FRMPD4: variants seen among roughly 807,000 people sequenced by gnomAD.
The protein encoded by FRMPD4 is FERM and PDZ domain-containing protein 4.
Under a neutral mutation model 94.1 loss-of-function variants are expected in FRMPD4, and 22 were observed. The observed-to-expected ratio is 0.23, with a 90% CI of 0.17 to 0.33. The LOEUF is 0.33. FRMPD4 is among the 10% of genes least tolerant of loss of function. The probability of loss-of-function intolerance (pLI) is 1.00; values close to 1 mark genes in which losing one functional copy is unlikely to be tolerated. For missense variants in FRMPD4, 1,111 were observed against 1,339.9 expected (o/e 0.83, Z 2.67); for synonymous variants, 631 against 548.6 (o/e 1.15, Z -2.10).
chrX:12,607,165 T>C (rs1319585381), intron 2 of FRMPD4, among the ~76,000 whole-genome samples: 1 of 111,336 alleles, frequency 9.0e-6, no homozygotes, highest in African/African-American at 3.3e-5. Flanking sequence ...CTGCATTGGT[T>C]TTGCTGGCTC....
rs1307077030 is a variant in FRMPD4 at position 12,388,506 on chromosome X, G to A, written c.42-110174G>A. ...TGTAGTCCCAGCTACTCGGGGAGCT[G>A]AGGCAGGAAAATTGCTTGAACCCAG... On this transcript the variant is annotated intron_variant, in intron 1 of 16. Transcript: ENST00000675598. Among the ~76,000 whole-genome samples the A allele has an allele frequency of 2.8e-5, 3 of 108,527 alleles. No individual in the cohort carries two copies. The East Asian group carries it at 8.7e-4, about 31-fold the overall frequency. The allele number at this position is 108,527 out of a possible 115,157, so 94.2% of individuals were successfully genotyped here.
At chrX:12,175,123 G>T (rs1216098614) in intron 1 of FRMPD4, among the ~76,000 whole-genome samples, 1 of 112,169 alleles carries the variant, frequency 8.9e-6, no homozygotes, top group African/African-American at 3.2e-5. Flanking sequence ...ATAAAAGATG[G>T]TGGTATGTGT....
At chrX:12,085,548 T>C (rs1164928524) in intron 3 of FRMPD4, among the ~76,000 whole-genome samples, 1 of 110,667 alleles carries the variant, frequency 9.0e-6, no homozygotes, top group African/African-American at 3.3e-5. Flanking sequence ...TTAAAGAAAT[T>C]AGTGAATTAA....
At chrX:12,705,089 G>A (rs2041852758) in intron 11 of FRMPD4, among the ~76,000 whole-genome samples, 1 of 111,785 alleles carries the variant, frequency 8.9e-6, no homozygotes, top group Admixed American at 9.5e-5. Context: ...TGTGCTCCCG[G>A]GAACAAAATC....
chrX:11,924,210 AAGAC>A (rs1376771083), intron 3 of FRMPD4, among the ~76,000 whole-genome samples: 1 of 112,247 alleles, frequency 8.9e-6, no homozygotes, highest in Non-Finnish European at 1.9e-5. Flanking sequence ...TTTATAAAAT[AAGAC>A]AGGCAGACAA....
chrX:12,010,013 G>A (rs2054573394), intron 3 of FRMPD4, among the ~76,000 whole-genome samples: 1 of 111,837 alleles, frequency 8.9e-6, no homozygotes, highest in South Asian at 3.8e-4. Flanking sequence ...CTAACTAGAT[G>A]TATATACATG....
intron 1 of FRMPD4, among the ~76,000 whole-genome samples, chrX:12,488,394 G>A (rs931162508): frequency 8.9e-6 from 1 of 111,801 alleles, no homozygotes; most frequent in African/African-American, 3.2e-5. Flanking sequence ...GTTTCCACAA[G>A]CCCCAAAGAA....
chrX:12,112,094 A>G (rs1025766260), intron 3 of FRMPD4, among the ~76,000 whole-genome samples: 12 of 111,684 alleles, frequency 1.1e-4, no homozygotes, highest in Non-Finnish European at 1.9e-4. Context: ...TATAAATCAT[A>G]CCGCTATAAA....
At chrX:12,477,301 G>A (rs2057614629) in intron 1 of FRMPD4, among the ~76,000 whole-genome samples, 1 of 111,005 alleles carries the variant, frequency 9.0e-6, no homozygotes, top group Admixed American at 9.6e-5. Context: ...ACCGGGGCCT[G>A]TTGTGGGGTG....
At chrX:12,107,198 A>C (rs756694159) in intron 3 of FRMPD4, among the ~76,000 whole-genome samples, 1 of 111,803 alleles carries the variant, frequency 8.9e-6, no homozygotes, top group African/African-American at 3.2e-5. Context: ...CTCTAAGTTG[A>C]AGCTTCCAGA....
rs745511197 is a variant in FRMPD4, at chrX:12,258,595, G to C, written c.41+119583G>C. On this transcript the variant is annotated intron_variant, in intron 1 of 16. Transcript: ENST00000675598. ...GTGAACTAAGACAACGCCACTATTT[G>C]GACTTTACTCAAATGAGAAATTCTA... 2.7e-5 allele frequency among the ~76,000 whole-genome samples: 3 copies of C among 111,177 alleles called. No individual in the cohort carries two copies. The South Asian group carries it at 1.2e-3, about 43-fold the overall frequency.
chrX:12,305,478 T>G (rs1035916940), intron 1 of FRMPD4, among the ~76,000 whole-genome samples: 2 of 111,265 alleles, frequency 1.8e-5, no homozygotes, highest in Non-Finnish European at 3.8e-5. Context: ...AAAAGTCAGA[T>G]GTGGAAATCT....
At chrX:12,106,480 G>A (rs753821028) in intron 3 of FRMPD4, among the ~76,000 whole-genome samples, 14 of 110,940 alleles carry the variant, frequency 1.3e-4, no homozygotes, top group Non-Finnish European at 2.1e-4. Context: ...CATGAGCAAC[G>A]CAGAAGACAG....
intron 4 of FRMPD4, among the ~76,000 whole-genome samples, chrX:12,615,275 C>A (rs1053495865): frequency 8.9e-6 from 1 of 112,249 alleles, no homozygotes; most frequent in Non-Finnish European, 1.9e-5. Context: ...CATGGATATA[C>A]AAACATACAG....
At chrX:12,680,856 C>T (rs1252431996) in intron 5 of FRMPD4, among the ~76,000 whole-genome samples, 3 of 110,237 alleles carry the variant, frequency 2.7e-5, no homozygotes, top group South Asian at 4.1e-4. Context: ...AATAGCCCCA[C>T]GTTTACTGGC....
chrX:12,592,537 C>G (rs1233208346), intron 2 of FRMPD4, among the ~76,000 whole-genome samples: 6 of 111,777 alleles, frequency 5.4e-5, no homozygotes, highest in Non-Finnish European at 9.4e-5. Context: ...CTTTTTCTTT[C>G]TACTATAAAT....
At chrX:12,243,115 C>G (rs1435052865) in intron 1 of FRMPD4, among the ~76,000 whole-genome samples, 3 of 112,222 alleles carry the variant, frequency 2.7e-5, no homozygotes, top group African/African-American at 9.7e-5. Context: ...CTTCAGGGCT[C>G]TAGTGATCCT....
intron 5 of FRMPD4, among the ~76,000 whole-genome samples, chrX:12,683,177 C>G (rs1170362170): frequency 8.9e-6 from 1 of 112,020 alleles, no homozygotes; most frequent in Non-Finnish European, 1.9e-5. Flanking sequence ...GCTCAAAGCT[C>G]TCTATTAAAA....
intron 3 of FRMPD4, among the ~76,000 whole-genome samples, chrX:11,994,207 T>A (rs1444375145): frequency 9.0e-6 from 1 of 110,718 alleles, no homozygotes; most frequent in Non-Finnish European, 1.9e-5. Flanking sequence ...CAGCCCCTAC[T>A]CACTGAGAAA....
Sources: gnomAD v4.1 joint callset for allele counts (sites outside exome capture counted in the v4.1 genomes callset) on GRCh38, gnomAD v4.1.1 for gene constraint, MANE v1.5 for transcripts, NCBI Gene and HGNC (gene_info 2026-07-23, HGNC 2026-07-21) for gene names.